The following DHX8 variants were observed in gnomAD, a reference collection of about 807,000 sequenced individuals.
DHX8 encodes DEAH-box helicase 8, also known as ATP-dependent RNA helicase DHX8.
DHX8 carries 67 observed loss-of-function variants against 140.7 expected under a neutral mutation model. The ratio of observed to expected loss-of-function variants is 0.48; its 90% CI spans 0.39 to 0.58. The LOEUF (loss-of-function observed/expected upper bound fraction) is 0.58, where lower values mean the gene tolerates loss of function less well. Ranked by LOEUF, DHX8 falls within the 20% of genes least tolerant of loss-of-function variation. The pLI is 0.00. For synonymous variants in DHX8, 533 were observed against 553.2 expected (o/e 0.96, Z 0.51); for missense variants, 887 against 1,550.7 (o/e 0.57, Z 7.19).
downstream of DHX8, chr17:43,526,634 C>G (rs1340281197): frequency 6.5e-7 from 1 of 1,533,628 alleles, no homozygotes; most frequent in African/African-American, 1.4e-5. Context: ...ATCATCTCAG[C>G]TTGTGGAGAC....
At chr17:43,540,634 T>C (rs951010909) in intron 3 of DHX8, among the ~76,000 whole-genome samples, 5 of 152,140 alleles carry the variant, frequency 3.3e-5, no homozygotes, top group Admixed American at 1.3e-4. Flanking sequence ...CTCTAACTCC[T>C]GGGCTCAGGT....
At chr17:43,514,592 G>A (rs1970016050) in intron 17 of DHX8, among the ~76,000 whole-genome samples, 1 of 152,050 alleles carries the variant, frequency 6.6e-6, no homozygotes, top group South Asian at 2.1e-4. Flanking sequence ...TTTGAGAGAA[G>A]TTTGGCAACA....
At chr17:43,502,606 G>A (rs1969259498) in intron 11 of DHX8, among the ~76,000 whole-genome samples, 1 of 152,026 alleles carries the variant, frequency 6.6e-6, no homozygotes, top group Non-Finnish European at 1.5e-5. Context: ...TGCATTTTTG[G>A]TAGAGACAGC....
At chr17:43,512,421 A>T (rs2154586747) in intron 16 of DHX8, among the ~76,000 whole-genome samples, 1 of 151,402 alleles carries the variant, frequency 6.6e-6, no homozygotes, top group South Asian at 2.1e-4. Flanking sequence ...GACTTGAGTA[A>T]TGTTAAAGAG....
intron 13 of DHX8, 141 bp from the exon 14 acceptor site, chr17:43,507,362 T>C: frequency 9.3e-7 from 1 of 1,080,578 alleles, no homozygotes; most frequent in South Asian, 1.6e-5. Flanking sequence ...GTCTAAGACA[T>C]ACCTTACTAT....
chr17:43,522,746 T>C (rs1455144454), intron 22 of DHX8, among the ~76,000 whole-genome samples: 16 of 60,660 alleles, frequency 2.6e-4, no homozygotes, highest in Middle Eastern at 0.015. Context: ...AAACTCCATC[T>C]CAAAAAAAAA....
At chr17:43,504,590 G>T in intron 11 of DHX8, 54 bp from the exon 12 acceptor site, 3 of 1,516,604 alleles carry the variant, frequency 2.0e-6, no homozygotes, top group Admixed American at 2.2e-5. Context: ...TTTTTTCCTG[G>T]TACATCTTGA....
chr17:43,524,782 T>TG lies in DHX8; in HGVS notation c.*937dup. On this transcript the variant is annotated 3_prime_UTR_variant, in exon 23 of 23. Transcript: ENST00000262415. ...GATGGACTTTAACAAAGGGATTTTA[T>TG]GGTCAAAACCTCCCTTTCCCCACTC... 1 of 985,446 alleles carries TG rather than the reference T, an allele frequency of 1.0e-6. No homozygotes were observed. Among genetic ancestry groups the TG allele is most frequent in the African/African-American group, 1.7e-5 (1 of 57,362 alleles). 61.0% of individuals were successfully genotyped at this position (985,446 alleles called of 1,614,324 possible).
At chr17:43,518,719 A>G (rs539983044) in intron 18 of DHX8, 1 of 152,272 alleles carries the variant, frequency 6.6e-6, no homozygotes, top group Admixed American at 6.5e-5. Flanking sequence ...CATTGTCCCA[A>G]ACAGAAACTC....
At position 43,513,408 on chromosome 17, in the gene DHX8, G is replaced by A; in HGVS notation, c.2549G>A (p.Gly850Asp). The A allele has an allele frequency of 6.2e-7, 1 of 1,613,878 alleles. No individual in the cohort carries two copies. Among genetic ancestry groups the A allele is most frequent in the Non-Finnish European group, 8.5e-7 (1 of 1,179,898 alleles). The change falls in exon 17 of 23, where the codon GGT becomes GAT. Residue 850 changes from glycine (G) to aspartate (D), a missense_variant. By Grantham distance (94) the Gly-to-Asp change is moderately conservative. Coordinates refer to ENST00000262415, the MANE Select transcript of DHX8 (RefSeq NM_004941.3). ...GCAGAGACATCGCTGACTATTGATG[G>A]TATCTACTATGTGGTGGACCCAGGA... ...NIAETSLTID[G>D]IYYVVDPGFV...
chr17:43,537,557 G>C (rs574816064), intron 3 of DHX8, among the ~76,000 whole-genome samples: 85 of 151,500 alleles, frequency 5.6e-4, no homozygotes, highest in African/African-American at 1.9e-3. Context: ...TTAGTCAGGC[G>C]TGGCGGTGGG....
chr17:43,484,585 G>A (rs969054234), intron 1 of DHX8, among the ~76,000 whole-genome samples: 1 of 152,116 alleles, frequency 6.6e-6, no homozygotes, highest in Non-Finnish European at 1.5e-5. Context: ...TGGTCTTCAC[G>A]CCACTCTGTG....
chr17:43,491,164 G>GGTTAAA lies in DHX8; in HGVS notation c.308-1_308insGTTAAA (p.Asp103delinsGlyTer). 1 of 1,507,360 alleles carries GGTTAAA rather than the reference G, an allele frequency of 6.6e-7. No homozygotes were observed. The highest frequency in any genetic ancestry group is 8.9e-7 in the Non-Finnish European group (1 of 1,125,692). 93.4% of individuals were successfully genotyped at this position (1,507,360 alleles called of 1,614,324 possible). A position where few individuals can be genotyped will look rare whatever the true frequency, so the allele number is the denominator to read the frequency against. ...CCCTTCATGCTCTTTAATGAAACAA[G>GGTTAAA]ATCCAGTTGTTAAACCTAAAACAGA... On this transcript the variant is annotated stop_gained and protein_altering_variant and splice_region_variant. Coordinates refer to ENST00000262415, the MANE Select transcript of DHX8 (RefSeq NM_004941.3). LOFTEE classifies it high-confidence loss of function.
chr17:43,519,297 C>T (rs1970259863), intron 18 of DHX8: 1 of 152,182 alleles, frequency 6.6e-6, no homozygotes, highest in Non-Finnish European at 1.5e-5. Context: ...TATAGCCATC[C>T]TAGTGGGTAT....
intron 1 of DHX8, among the ~76,000 whole-genome samples, chr17:43,488,622 A>AAG (rs1357382949): frequency 2.0e-5 from 3 of 151,874 alleles, no homozygotes; most frequent in Admixed American, 1.3e-4. Flanking sequence ...AAAAAAAAAA[A>AAG]AAGAAGAACT....
intron 2 of DHX8, 108 bp downstream of exon 2, chr17:43,489,642 G>C: frequency 1.4e-6 from 1 of 737,256 alleles, no homozygotes; most frequent in East Asian, 2.9e-5. Flanking sequence ...CTGGGCTGGA[G>C]TGCAGTGGCG....
rs552222665 is a variant in DHX8 at position 43,515,973 on chromosome 17, A to AT, written c.2644-1186dup. On this transcript the variant is annotated intron_variant, in intron 17 of 22. Coordinates refer to ENST00000262415, the MANE Select transcript of DHX8 (RefSeq NM_004941.3). ...TCCTAGCAACCTATGGCTAAACTACATTTTTTTTAATTAAAAAAAAATCAG... is the reference window on the plus strand; with the variant it reads ...TCCTAGCAACCTATGGCTAAACTACATTTTTTTTTAATTAAAAAAAAATCAG... Among the ~76,000 whole-genome samples the AT allele has an allele frequency of 1.5e-3, 230 of 151,786 alleles. 1 individual carries two copies. Among genetic ancestry groups the AT allele is most frequent in the Non-Finnish European group, 3.0e-3 (201 of 67,944 alleles).
rs1160204186 is a variant in DHX8, at chr17:43,504,833, GA to G, written c.1728+9del. ...AAGGAGCAATTGGTCCAGGTGAGAA[GA>G]CTTTTATGATGTATTGGTGGGGAGT... is the stretch of plus-strand genomic sequence containing the variant. On this transcript the variant is annotated intron_variant, in intron 12 of 22. Coordinates refer to ENST00000262415, the MANE Select transcript of DHX8 (RefSeq NM_004941.3). The G allele has an allele frequency of 1.2e-6, 2 of 1,609,960 alleles. No homozygotes were observed. Among genetic ancestry groups the G allele is most frequent in the African/African-American group, 2.7e-5 (2 of 74,658 alleles).
At position 43,522,187 on chromosome 17, in the gene DHX8, T is replaced by G; in HGVS notation, c.3404T>G (p.Ile1135Ser). The G allele has an allele frequency of 6.2e-7, 1 of 1,613,982 alleles. No homozygotes were observed. The highest frequency in any genetic ancestry group is 8.5e-7 in the Non-Finnish European group (1 of 1,179,936). Residue 1135 changes from isoleucine (I) to serine (S), a missense_variant, in exon 22 of 23, where the codon ATC becomes AGC. Physicochemically the swap from Ile to Ser is moderately radical, Grantham distance 142. Transcript: ENST00000262415. ...CTGATCGACCAGCAGGTGGTCTATATCCATCCTTCCAGTGCCCTCTTCAAC... is the reference window on the plus strand; with the variant it reads ...CTGATCGACCAGCAGGTGGTCTATAGCCATCCTTCCAGTGCCCTCTTCAAC... ...RTLIDQQVVYIHPSSALFNRQ... is the reference protein window; with the variant it reads ...RTLIDQQVVYSHPSSALFNRQ...
Sources: gnomAD v4.1 joint callset for allele counts (sites outside exome capture counted in the v4.1 genomes callset) on GRCh38, gnomAD v4.1.1 for gene constraint, MANE v1.5 for transcripts, NCBI Gene and HGNC (gene_info 2026-07-23, HGNC 2026-07-21) for gene names.